The following PALM2AKAP2 variants were observed in gnomAD, a reference collection of about 807,000 sequenced individuals.
PALM2AKAP2 encodes PALM2 and AKAP2 fusion.
PALM2AKAP2 carries 37 observed loss-of-function variants against 71.5 expected under a neutral mutation model. That is an observed-to-expected ratio of 0.52 (90% CI 0.40 to 0.68). The LOEUF is 0.68. PALM2AKAP2 is among the 30% of genes least tolerant of loss of function. PALM2AKAP2 has a pLI of 0.00. For missense variants in PALM2AKAP2, 1,224 were observed against 1,191.8 expected (o/e 1.03, Z -0.40); for synonymous variants, 468 against 478.8 (o/e 0.98, Z 0.29).
chr9:110,171,387 C>T (rs1170836468), exon 4 of PALM2AKAP2: 1 of 152,208 alleles, frequency 6.6e-6, no homozygotes. Flanking sequence ...ACTGTGGCCC[C>T]TACATCTCTT....
chr9:109,975,298 A>G (rs12000622), intron 6 of PALM2AKAP2, among the ~76,000 whole-genome samples: 26,022 of 152,142 alleles, frequency 0.17, 2,549 homozygotes, highest in East Asian at 0.42. Context: ...ACAAGTCCCA[A>G]TCCAGGTCCA....
chr9:109,905,216 C>T (rs903232663), intron 3 of PALM2AKAP2, among the ~76,000 whole-genome samples: 3 of 152,178 alleles, frequency 2.0e-5, no homozygotes, highest in Non-Finnish European at 2.9e-5. Flanking sequence ...GTCTCCAACT[C>T]CCATAATAAA....
chr9:110,162,966 C>A (rs1402956912), intron 3 of PALM2AKAP2, among the ~76,000 whole-genome samples: 1 of 152,120 alleles, frequency 6.6e-6, no homozygotes, highest in African/African-American at 2.4e-5. Flanking sequence ...CCTGCCTCAG[C>A]CTCCCAAAGC....
intron 6 of PALM2AKAP2, among the ~76,000 whole-genome samples, chr9:109,935,900 G>T (rs553297302): frequency 2.4e-4 from 36 of 152,092 alleles, no homozygotes; most frequent in Non-Finnish European, 4.7e-4. Flanking sequence ...TTTCTTTCTG[G>T]CACTTTACAG....
At chr9:109,800,771 C>A (rs1053697160) in intron 1 of PALM2AKAP2, among the ~76,000 whole-genome samples, 1 of 152,148 alleles carries the variant, frequency 6.6e-6, no homozygotes, top group Non-Finnish European at 1.5e-5. Context: ...GTATTTGTAA[C>A]CTTTTATTGA....
chr9:109,904,011 C>A (rs1830387460), intron 3 of PALM2AKAP2, among the ~76,000 whole-genome samples: 1 of 152,138 alleles, frequency 6.6e-6, no homozygotes, highest in Admixed American at 6.5e-5. Flanking sequence ...TGAATTTATT[C>A]TATTAAATAG....
intron 1 of PALM2AKAP2, among the ~76,000 whole-genome samples, chr9:110,064,871 G>A (rs948462136): frequency 1.3e-5 from 2 of 152,154 alleles, no homozygotes; most frequent in Non-Finnish European, 2.9e-5. Flanking sequence ...CAGATATCAG[G>A]GCCCTCCACA....
At position 109,660,276 on chromosome 9, in the gene PALM2AKAP2, C is replaced by T. The variant is rs1029785522; in HGVS notation, c.5+19410C>T. 3.9e-5 allele frequency among the ~76,000 whole-genome samples: 6 copies of T among 152,180 alleles called. 1 individual carries two copies. In the South Asian group the frequency reaches 1.2e-3, roughly 32 times the overall value. Reference sequence around the variant, plus strand: ...GTTTGATACATAGGTATACATGTGCCATGTTGGTTTGCTGCACCCATCAAC... The same window carrying T: ...GTTTGATACATAGGTATACATGTGCTATGTTGGTTTGCTGCACCCATCAAC... On this transcript the variant is annotated intron_variant, in intron 1 of 6. Coordinates refer to the PALM2AKAP2 transcript ENST00000374531.
intron 1 of PALM2AKAP2, among the ~76,000 whole-genome samples, chr9:109,720,965 A>T (rs1176059108): frequency 2.6e-5 from 4 of 152,148 alleles, no homozygotes; most frequent in Non-Finnish European, 4.4e-5. Flanking sequence ...ACACACCACT[A>T]AATACTTTAG....
At chr9:109,950,878 G>A (rs1043971478) in intron 6 of PALM2AKAP2, among the ~76,000 whole-genome samples, 10 of 152,184 alleles carry the variant, frequency 6.6e-5, no homozygotes, top group African/African-American at 9.7e-5. Context: ...GGAACCTCTC[G>A]GTTTCGAGAT....
At position 109,847,876 on chromosome 9, in the gene PALM2AKAP2, T is replaced by A. The variant is rs569836644; in HGVS notation, c.46-19615T>A. Among the ~76,000 whole-genome samples the A allele has an allele frequency of 2.6e-5, 4 of 152,346 alleles. No homozygotes were observed. The South Asian group carries it at 6.2e-4, about 24-fold the overall frequency. On this transcript the variant is annotated intron_variant, in intron 1 of 9. Transcript: ENST00000302798. ...GACTTTTGGTGCCACCATTTTTGAC[T>A]CTTGTGGATAAAGAGCAGACTATAT...
intron 1 of PALM2AKAP2, among the ~76,000 whole-genome samples, chr9:109,651,781 T>C (rs1001598131): frequency 1.3e-5 from 2 of 152,140 alleles, no homozygotes; most frequent in African/African-American, 4.8e-5. Flanking sequence ...CATTTTCTTA[T>C]ATATAACTTA....
At chr9:109,850,595 G>C (rs1828983050) in intron 1 of PALM2AKAP2, among the ~76,000 whole-genome samples, 1 of 152,176 alleles carries the variant, frequency 6.6e-6, no homozygotes, top group African/African-American at 2.4e-5. Context: ...ATTGACCCTT[G>C]AGAGCTACAT....
At chr9:110,105,650 T>A (rs1472103823) in intron 1 of PALM2AKAP2, among the ~76,000 whole-genome samples, 2 of 152,354 alleles carry the variant, frequency 1.3e-5, no homozygotes, top group East Asian at 3.9e-4. Flanking sequence ...CATTGGTGCT[T>A]AACCCACAGA....
chr9:109,985,584 C>T (rs1181235242), intron 6 of PALM2AKAP2, among the ~76,000 whole-genome samples: 9 of 146,992 alleles, frequency 6.1e-5, no homozygotes, highest in African/African-American at 1.5e-4. Context: ...GGCACCACTG[C>T]ACTCCAGCCT....
chr9:109,802,380 G>T (rs935858376), intron 1 of PALM2AKAP2, among the ~76,000 whole-genome samples: 2 of 152,122 alleles, frequency 1.3e-5, no homozygotes, highest in Non-Finnish European at 2.9e-5. Flanking sequence ...TTTTCATTTT[G>T]CCCTGGGCCC....
intron 1 of PALM2AKAP2, among the ~76,000 whole-genome samples, chr9:109,680,259 C>T (rs1827709178): frequency 6.6e-6 from 1 of 152,154 alleles, no homozygotes; most frequent in Non-Finnish European, 1.5e-5. Context: ...AGCCCGGGCA[C>T]ACAGGCAGGC....
intron 2 of PALM2AKAP2, among the ~76,000 whole-genome samples, chr9:110,139,967 T>A: frequency 6.6e-6 from 1 of 152,268 alleles, no homozygotes; most frequent in Non-Finnish European, 1.5e-5. Flanking sequence ...CCCATTATGG[T>A]GACAGGTGTC....
At chr9:109,946,114 A>T (rs977294851) in intron 6 of PALM2AKAP2, 1 of 152,212 alleles carries the variant, frequency 6.6e-6, no homozygotes, top group Non-Finnish European at 1.5e-5. Flanking sequence ...TGGGGAATTC[A>T]GGCTTAGCCA....
Sources: gnomAD v4.1 joint callset for allele counts (sites outside exome capture counted in the v4.1 genomes callset) on GRCh38, gnomAD v4.1.1 for gene constraint, MANE v1.5 for transcripts, NCBI Gene and HGNC (gene_info 2026-07-23, HGNC 2026-07-21) for gene names.